Variants in MYO5B observed in about 807,000 individuals in gnomAD.
The protein encoded by MYO5B is unconventional myosin-Vb.
MYO5B carries 143 observed loss-of-function variants against 229.3 expected under a neutral mutation model. The ratio of observed to expected loss-of-function variants is 0.62; its 90% CI spans 0.54 to 0.72. The LOEUF is 0.72. MYO5B is among the 30% of genes least tolerant of loss of function. MYO5B has a pLI of 0.00. For missense variants in MYO5B, 2,321 were observed against 2,331.0 expected, an observed-to-expected ratio of 1.00 and a Z score of 0.09; for synonymous variants, 918 against 885.2, an observed-to-expected ratio of 1.04 and a Z score of -0.66.
intron 17 of MYO5B, among the ~76,000 whole-genome samples, chr18:49,916,613 G>C (rs1405343109): frequency 2.0e-5 from 3 of 152,180 alleles, no homozygotes; most frequent in Admixed American, 6.5e-5. Context: ...GGTGTGCAGA[G>C]AGGCTGAGGG....
rs549061537 is a variant in MYO5B at position 49,856,359 on chromosome 18, C to A, written c.4022+454G>T. On this transcript the variant is annotated intron_variant, in intron 30 of 39. Coordinates refer to ENST00000285039, the MANE Select transcript of MYO5B (RefSeq NM_001080467.3). Reference sequence around the variant, plus strand: ...ACATACTGATGGCAGGCTCTGGGGGCACAGGTTACATTTGGAGCACAGCCA... The same window carrying A: ...ACATACTGATGGCAGGCTCTGGGGGAACAGGTTACATTTGGAGCACAGCCA... 9.3e-4 allele frequency among the ~76,000 whole-genome samples: 142 copies of A among 152,198 alleles called. 1 individual carries two copies. The highest frequency in any genetic ancestry group is 1.8e-3 in the Non-Finnish European group (120 of 68,030).
chr18:49,830,494 A>C (rs1177034530), intron 39 of MYO5B, among the ~76,000 whole-genome samples: 3 of 152,200 alleles, frequency 2.0e-5, no homozygotes, highest in African/African-American at 4.8e-5. Flanking sequence ...GAAATCTAAA[A>C]AAATCCTAAA....
chr18:50,006,908 C>T (rs999838776), intron 4 of MYO5B, among the ~76,000 whole-genome samples: 1 of 152,184 alleles, frequency 6.6e-6, no homozygotes, highest in African/African-American at 2.4e-5. Flanking sequence ...CACCTGTGGT[C>T]TCCAAACTAG....
At position 49,990,445 on chromosome 18, in the gene MYO5B, C is replaced by T; in HGVS notation, c.832G>A (p.Ala278Thr). 1 of 1,613,526 alleles carries T rather than the reference C, an allele frequency of 6.2e-7. No individual in the cohort carries two copies. Among genetic ancestry groups the T allele is most frequent in the South Asian group, 1.1e-5 (1 of 91,066 alleles). Reference sequence around the variant, plus strand: ...CATGCACCTGTTGACTTACTTAGTGCAAGCTCTTTAAATTCTGGAAGACCG... The same window carrying T: ...CATGCACCTGTTGACTTACTTAGTGTAAGCTCTTTAAATTCTGGAAGACCG... ...AAGLPEFKEL[A>T]LTSAEDFFYT... is the part of the protein sequence containing the mutation. The change falls in exon 7 of 40, where the codon GCA becomes ACA. Residue 278 changes from alanine (A) to threonine (T), a missense_variant. This residue lies in a region of MYO5B where 2,113 missense variants were observed against 2,044.7 expected (regional missense o/e 1.03). Coordinates refer to ENST00000285039, the MANE Select transcript of MYO5B (RefSeq NM_001080467.3).
At chr18:50,172,086 G>A (rs2032926304) in intron 1 of MYO5B, among the ~76,000 whole-genome samples, 1 of 152,056 alleles carries the variant, frequency 6.6e-6, no homozygotes. Context: ...TTTGAGACAA[G>A]CCTGCACAAC....
chr18:49,863,129 G>T, intron 29 of MYO5B, 98 bp downstream of exon 29: 2 of 886,830 alleles, frequency 2.3e-6, no homozygotes, highest in Non-Finnish European at 1.9e-6. Flanking sequence ...CTGATGCTGA[G>T]CACATGGTCA....
chr18:49,998,121 TCTA>T (rs1482418373), intron 5 of MYO5B, among the ~76,000 whole-genome samples: 1 of 152,090 alleles, frequency 6.6e-6, no homozygotes, highest in African/African-American at 2.4e-5. Flanking sequence ...TCTTTCTAAT[TCTA>T]CTCAGGGTTC....
chr18:49,945,418 A>G (rs1355398296), intron 14 of MYO5B, among the ~76,000 whole-genome samples: 1 of 151,482 alleles, frequency 6.6e-6, no homozygotes, highest in Admixed American at 6.6e-5. Context: ...TCAATCAAGT[A>G]CCAAGTTCTG....
chr18:50,155,261 T>C (rs2032661689), intron 1 of MYO5B, among the ~76,000 whole-genome samples: 1 of 152,184 alleles, frequency 6.6e-6, no homozygotes, highest in Admixed American at 6.5e-5. Flanking sequence ...CACTATATTA[T>C]GCCTTTAACT....
intron 31 of MYO5B, chr18:49,851,125 AGCATC>A (rs2024195688): frequency 6.6e-6 from 1 of 152,264 alleles, no homozygotes; most frequent in African/African-American, 2.4e-5. Flanking sequence ...GCCTATTTGC[AGCATC>A]TTATACACCA....
At position 49,967,120 on chromosome 18, in the gene MYO5B, T is replaced by TA. The variant is rs1366916856; in HGVS notation, c.1323-4091dup. Among the ~76,000 whole-genome samples, 4 of 152,200 alleles carry TA rather than the reference T, an allele frequency of 2.6e-5. No homozygotes were observed. In the East Asian group the frequency reaches 7.7e-4, roughly 29 times the overall value. The stretch of plus-strand genomic sequence containing the variant: ...CTTGGGCCGGAGGAAGGTCAAAACA[T>TA]AGAGTAAGAATCGATGCTGAAATGT... On this transcript the variant is annotated intron_variant, in intron 10 of 39. Transcript: ENST00000285039.
At chr18:49,985,015 A>C (rs762881365) in intron 7 of MYO5B, among the ~76,000 whole-genome samples, 190 bp from the exon 8 acceptor site, 1 of 152,210 alleles carries the variant, frequency 6.6e-6, no homozygotes, top group Non-Finnish European at 1.5e-5. Context: ...TAGTACAAGA[A>C]AATTATACGA....
intron 27 of MYO5B, 82 bp downstream of exon 27, chr18:49,872,085 G>T (rs2144093779): frequency 1.5e-6 from 2 of 1,301,690 alleles, no homozygotes; most frequent in East Asian, 2.3e-5. Context: ...GGGGCTCAGG[G>T]CCTGATTTCC....
intron 1 of MYO5B, among the ~76,000 whole-genome samples, chr18:50,134,757 G>C (rs954769312): frequency 7.2e-5 from 11 of 151,998 alleles, no homozygotes; most frequent in African/African-American, 2.7e-4. Context: ...GATTGCTCAC[G>C]AGGCACTTCA....
chr18:49,887,431 C>T (rs939889747), intron 22 of MYO5B, among the ~76,000 whole-genome samples: 2 of 151,890 alleles, frequency 1.3e-5, no homozygotes, highest in East Asian at 1.9e-4. Context: ...ATTGCCCTAG[C>T]GTGAACTCAG....
chr18:50,192,764 G>A (rs921187873), intron 1 of MYO5B, among the ~76,000 whole-genome samples: 67 of 152,136 alleles, frequency 4.4e-4, no homozygotes, highest in African/African-American at 1.5e-3. Context: ...AGTTAATAAT[G>A]TAAAAGAGAC....
intron 16 of MYO5B, among the ~76,000 whole-genome samples, chr18:49,935,507 A>G (rs1038945328): frequency 1.1e-4 from 16 of 152,362 alleles, no homozygotes; most frequent in African/African-American, 3.8e-4. Flanking sequence ...TCTTACTACA[A>G]CAAAGACCAA....
At chr18:50,103,054 C>G (rs2031685813) in intron 1 of MYO5B, among the ~76,000 whole-genome samples, 1 of 152,232 alleles carries the variant, frequency 6.6e-6, no homozygotes, top group Non-Finnish European at 1.5e-5. Context: ...TCCCACTTCT[C>G]CCCTGCCCCG....
chr18:50,037,053 C>T, intron 3 of MYO5B, 59 bp from the exon 4 acceptor site: 3 of 1,599,168 alleles, frequency 1.9e-6, no homozygotes, highest in East Asian at 2.2e-5. Flanking sequence ...GCATTATTAG[C>T]TCAAGGCACC....
Sources: allele counts gnomAD v4.1 joint callset (sites outside exome capture counted in the v4.1 genomes callset), GRCh38; gene constraint gnomAD v4.1.1; regional missense constraint gnomAD v4.1.1; transcripts MANE v1.5; gene names NCBI Gene and HGNC (gene_info 2026-07-23, HGNC 2026-07-21).